Variants in ATP8A2 observed in about 807,000 individuals in gnomAD.
ATP8A2 encodes ATPase phospholipid transporting 8A2.
A neutral mutation model predicts 165.6 loss-of-function variants in ATP8A2; 100 were observed. That is an observed-to-expected ratio of 0.60 (90% CI 0.51 to 0.71). The LOEUF (loss-of-function observed/expected upper bound fraction) is 0.71, where lower values mean the gene tolerates loss of function less well. Among genes scored for constraint, ATP8A2 ranks in the 30% least tolerant of loss-of-function variants. The probability of loss-of-function intolerance (pLI) is 0.00; values close to 1 mark genes in which losing one functional copy is unlikely to be tolerated. For missense variants in ATP8A2, 1,227 were observed against 1,479.5 expected (o/e 0.83, Z 2.80); for synonymous variants, 543 against 548.8 (o/e 0.99, Z 0.15).
intron 25 of ATP8A2, among the ~76,000 whole-genome samples, chr13:25,755,907 C>CA (rs111791831): frequency 0.027 from 4,053 of 150,896 alleles, 191 homozygotes; most frequent in African/African-American, 0.093. Context: ...GACTCCGTCT[C>CA]AAAAAAAAAC....
At chr13:25,532,971 G>GT (rs1442487571) in intron 5 of ATP8A2, among the ~76,000 whole-genome samples, 19 of 152,042 alleles carry the variant, frequency 1.2e-4, no homozygotes, top group Admixed American at 9.8e-4. Context: ...CAGCTGTTCA[G>GT]TTTTTTTTAA....
At chr13:25,889,026 C>G (rs1354421308) in intron 33 of ATP8A2, among the ~76,000 whole-genome samples, 1 of 151,854 alleles carries the variant, frequency 6.6e-6, no homozygotes, top group African/African-American at 2.4e-5. Context: ...AACGACTATG[C>G]CAAGAAGCAA....
At chr13:25,964,864 T>C (rs1410943626) in intron 34 of ATP8A2, among the ~76,000 whole-genome samples, 1 of 152,132 alleles carries the variant, frequency 6.6e-6, no homozygotes, top group Non-Finnish European at 1.5e-5. Context: ...CACTCTCTTT[T>C]GAAAGGGCTT....
chr13:25,759,228 A>C (rs551892189), intron 25 of ATP8A2, among the ~76,000 whole-genome samples: 2 of 152,300 alleles, frequency 1.3e-5, no homozygotes, highest in African/African-American at 4.8e-5. Flanking sequence ...AGTTTGGTGT[A>C]GATATGGGAT....
intron 2 of ATP8A2, among the ~76,000 whole-genome samples, chr13:25,476,357 C>A (rs2137555436): frequency 6.6e-6 from 1 of 152,000 alleles, no homozygotes; most frequent in Non-Finnish European, 1.5e-5. Context: ...GCGAACTCCA[C>A]TCATTGCAAA....
intron 27 of ATP8A2, among the ~76,000 whole-genome samples, chr13:25,777,858 G>A (rs1410551239): frequency 6.6e-6 from 1 of 152,198 alleles, no homozygotes; most frequent in Admixed American, 6.5e-5. Flanking sequence ...ATGTATTCAT[G>A]TTGCTATATG....
At chr13:25,532,149 G>A in intron 4 of ATP8A2, 123 bp from the exon 5 acceptor site, 1 of 754,458 alleles carries the variant, frequency 1.3e-6, no homozygotes, top group Non-Finnish European at 2.3e-6. Context: ...GAATTTTACA[G>A]CATGAGCATT....
chr13:25,465,695 CTTTCTTT>C (rs2035625195), intron 1 of ATP8A2, among the ~76,000 whole-genome samples: 1 of 17,850 alleles, frequency 5.6e-5, no homozygotes, highest in South Asian at 2.5e-3. Flanking sequence ...TTCTTTCTTT[CTTTCTTT>C]CTTTCTTTCT....
At chr13:25,800,723 C>G (rs1048264032) in intron 27 of ATP8A2, among the ~76,000 whole-genome samples, 2 of 152,106 alleles carry the variant, frequency 1.3e-5, no homozygotes, top group Non-Finnish European at 2.9e-5. Context: ...GTTTCCATCT[C>G]CAAGCCCTGC....
chr13:25,424,181 T>A (rs549737208), intron 1 of ATP8A2, among the ~76,000 whole-genome samples: 6 of 152,254 alleles, frequency 3.9e-5, no homozygotes, highest in African/African-American at 1.2e-4. Flanking sequence ...CAGCAGAGGG[T>A]CTGGGAATCC....
chr13:25,652,954 TC>T (rs1274533880), intron 24 of ATP8A2, among the ~76,000 whole-genome samples: 1 of 152,232 alleles, frequency 6.6e-6, no homozygotes, highest in Non-Finnish European at 1.5e-5. Context: ...CCCAGGATGT[TC>T]CTTCAGACTT....
chr13:25,754,140 G>C (rs2044212139), intron 25 of ATP8A2, among the ~76,000 whole-genome samples: 2 of 152,262 alleles, frequency 1.3e-5, no homozygotes, highest in Non-Finnish European at 1.5e-5. Context: ...TATTTATGTG[G>C]GTTGACTAGT....
At chr13:25,600,673 A>G (rs1046792920) in intron 24 of ATP8A2, among the ~76,000 whole-genome samples, 3 of 152,118 alleles carry the variant, frequency 2.0e-5, no homozygotes, top group African/African-American at 7.2e-5. Flanking sequence ...CCAGGTCGAG[A>G]TGGTAGAATG....
intron 24 of ATP8A2, among the ~76,000 whole-genome samples, chr13:25,698,324 G>A (rs1384957758): frequency 5.9e-5 from 9 of 151,528 alleles, no homozygotes; most frequent in Non-Finnish European, 1.3e-4. Context: ...AGGATCAAGC[G>A]ATCCTCCCAC....
intron 25 of ATP8A2, among the ~76,000 whole-genome samples, chr13:25,743,850 G>A (rs1048141690): frequency 3.3e-5 from 5 of 152,176 alleles, no homozygotes; most frequent in South Asian, 2.1e-4. Flanking sequence ...AGGTGAAGGC[G>A]GTGAGGAACA....
intron 33 of ATP8A2, among the ~76,000 whole-genome samples, chr13:25,934,906 C>T (rs1593585937): frequency 6.6e-6 from 1 of 152,132 alleles, no homozygotes; most frequent in Non-Finnish European, 1.5e-5. Context: ...TGACTAAGGG[C>T]CAGGAGCTGG....
At chr13:25,752,639 G>T (rs1440711594) in intron 25 of ATP8A2, among the ~76,000 whole-genome samples, 1 of 152,112 alleles carries the variant, frequency 6.6e-6, no homozygotes, top group Non-Finnish European at 1.5e-5. Flanking sequence ...TTTAGAGACA[G>T]GGTCTCACTA....
intron 1 of ATP8A2, among the ~76,000 whole-genome samples, chr13:25,380,561 G>A (rs1304518488): frequency 1.3e-5 from 2 of 152,096 alleles, no homozygotes; most frequent in Non-Finnish European, 2.9e-5. Flanking sequence ...TTGGATATGT[G>A]AGATTAAATA....
In ATP8A2 at chr13:25,956,908, G is replaced by T. The variant is rs565488175; in HGVS notation, c.3184-4667G>T. Among the ~76,000 whole-genome samples, 4 of 152,326 alleles carry T rather than the reference G, an allele frequency of 2.6e-5. No homozygotes were observed. The South Asian group carries it at 8.3e-4, about 32-fold the overall frequency. On this transcript the variant is annotated intron_variant, in intron 33 of 36. Transcript: ENST00000381655. ...ACAGTAACCAAAACAGCATGGTACT[G>T]ATACCAAAACAGATGTGTAGACTGA...
Sources: allele counts gnomAD v4.1 joint callset (sites outside exome capture counted in the v4.1 genomes callset), GRCh38; gene constraint gnomAD v4.1.1; transcripts MANE v1.5; gene names NCBI Gene and HGNC (gene_info 2026-07-23, HGNC 2026-07-21).